NOSTRIN: variants seen among roughly 807,000 people sequenced by gnomAD.
The protein encoded by NOSTRIN is BM247 homolog.
NOSTRIN carries 63 observed loss-of-function variants against 59.0 expected under a neutral mutation model. That is an observed-to-expected ratio of 1.07 (90% CI 0.87 to 1.32). NOSTRIN has a LOEUF of 1.32. NOSTRIN is among the 40% of genes most tolerant of loss of function. The pLI is 0.00. For missense variants in NOSTRIN, 512 were observed against 473.1 expected (o/e 1.08, Z -0.76); for synonymous variants, 200 against 165.4 (o/e 1.21, Z -1.61).
chr2:168,787,870 A>G (rs1685245834), exon 2 of NOSTRIN: 1 of 133,614 alleles, frequency 7.5e-6, no homozygotes, highest in African/African-American at 2.4e-5. Context: ...GATAAACTGA[A>G]GCACAAGAGG....
At chr2:168,845,309 T>C (rs1178008525) in intron 8 of NOSTRIN, among the ~76,000 whole-genome samples, 1 of 152,182 alleles carries the variant, frequency 6.6e-6, no homozygotes, top group Non-Finnish European at 1.5e-5. Flanking sequence ...TCAGCTTCCT[T>C]GGATGGCCCT....
chr2:168,816,095 A>G (rs1444966944), intron 2 of NOSTRIN, among the ~76,000 whole-genome samples: 1 of 152,134 alleles, frequency 6.6e-6, no homozygotes, highest in East Asian at 1.9e-4. Flanking sequence ...TGGAGTTTGT[A>G]TGCTGTACAA....
At chr2:168,863,922 T>A (rs1574349746) in intron 15 of NOSTRIN, among the ~76,000 whole-genome samples, 1 of 152,082 alleles carries the variant, frequency 6.6e-6, no homozygotes, top group South Asian at 2.1e-4. Context: ...TTTTTATTTT[T>A]TTTTTTGAGG....
At chr2:168,842,055 A>G (rs897319776) in intron 7 of NOSTRIN, among the ~76,000 whole-genome samples, 2 of 152,212 alleles carry the variant, frequency 1.3e-5, no homozygotes, top group African/African-American at 4.8e-5. Context: ...ACAGTCAGAC[A>G]AGGTAGGTCA....
chr2:168,861,923 T>TAACA (rs766168624), intron 14 of NOSTRIN, 37 bp from the exon 15 acceptor site: 16 of 1,589,382 alleles, frequency 1.0e-5, no homozygotes, highest in Non-Finnish European at 1.4e-5. Context: ...ATTTGCCTGC[T>TAACA]AACACAGCAT....
chr2:168,837,300 CTTTTTTTTTTTTTTT>C (rs761309524), intron 7 of NOSTRIN, among the ~76,000 whole-genome samples: 1 of 62,160 alleles, frequency 1.6e-5, no homozygotes, highest in African/African-American at 5.9e-5. Flanking sequence ...TTTTTAACAT[CTTTTTTTTTTTTTTT>C]TTTTTTTTTT....
intron 2 of NOSTRIN, among the ~76,000 whole-genome samples, chr2:168,813,052 A>G (rs1052750936): frequency 3.9e-5 from 6 of 152,228 alleles, no homozygotes; most frequent in African/African-American, 1.4e-4. Context: ...CTAACAGCCA[A>G]ATTGCTCTGG....
chr2:168,803,927 C>G (rs1387861121), intron 1 of NOSTRIN, among the ~76,000 whole-genome samples: 1 of 152,212 alleles, frequency 6.6e-6, no homozygotes, highest in Non-Finnish European at 1.5e-5. Flanking sequence ...TGTCTCAACA[C>G]TCCTACCTCA....
upstream of NOSTRIN, chr2:168,802,306 C>T (rs1352683257): frequency 1.4e-5 from 4 of 284,286 alleles, no homozygotes. Context: ...TGTTCCTGCA[C>T]TGTCAGACCA....
Position 168,821,870 on chromosome 2 carries a change from A to G in NOSTRIN, c.114-2764A>G, listed in dbSNP as rs572817090. Among the ~76,000 whole-genome samples, 68 of 152,386 alleles carry G rather than the reference A, an allele frequency of 4.5e-4. 1 individual carries two copies. Among genetic ancestry groups the G allele is most frequent in the African/African-American group, 1.5e-3 (62 of 41,592 alleles). On this transcript the variant is annotated intron_variant, in intron 2 of 15. Transcript: ENST00000317647. ...GGAAATCGGAGAGGCTGCCGGAGTC[A>G]GATCATGCAGAGCTTTGCAGGTCAG...
intron 7 of NOSTRIN, among the ~76,000 whole-genome samples, 189 bp downstream of exon 7, chr2:168,834,514 C>CACACACAT (rs1553527270): frequency 3.5e-5 from 5 of 141,086 alleles, no homozygotes; most frequent in Non-Finnish European, 7.6e-5. Context: ...CGCGCACACA[C>CACACACAT]ACACACACAC....
At chr2:168,864,784 G>C in intron 15 of NOSTRIN, 50 bp from the exon 16 acceptor site, 3 of 1,604,944 alleles carry the variant, frequency 1.9e-6, no homozygotes, top group Non-Finnish European at 2.6e-6. Context: ...ATCGGGCTGA[G>C]GCATGTGTTC....
intron 7 of NOSTRIN, among the ~76,000 whole-genome samples, chr2:168,838,314 A>G (rs1326373909): frequency 6.6e-6 from 1 of 152,186 alleles, no homozygotes; most frequent in African/African-American, 2.4e-5. Context: ...GTCTCAGCTC[A>G]CTGCAACCTC....
At chr2:168,802,886 T>C (rs938249554) in intron 1 of NOSTRIN, among the ~76,000 whole-genome samples, 2 of 152,214 alleles carry the variant, frequency 1.3e-5, no homozygotes, top group Admixed American at 1.3e-4. Context: ...TTGTCATCTT[T>C]CCTTCTCATA....
rs58702721 is a variant in NOSTRIN, at chr2:168,834,541, A to ACACACC, written c.504+217_504+218insACACCC. 8.2e-3 allele frequency among the ~76,000 whole-genome samples: 1,143 copies of ACACACC among 140,228 alleles called. 16 individuals carry two copies. Among genetic ancestry groups the ACACACC allele is most frequent in the African/African-American group, 0.024 (906 of 37,950 alleles). The allele number at this position is 140,228 out of a possible 152,430, so 92.0% of individuals were successfully genotyped here. On this transcript the variant is annotated intron_variant, in intron 7 of 15. Transcript: ENST00000317647. ...CACACACACACACACACACACACAC[A>ACACACC]CCACATACATTTTAAACTTTATTTT...
chr2:168,844,091 C>A (rs192727003), intron 8 of NOSTRIN, among the ~76,000 whole-genome samples: 136 of 152,296 alleles, frequency 8.9e-4, no homozygotes, highest in African/African-American at 2.9e-3. Flanking sequence ...AAGAAATATA[C>A]CACTTACACA....
intron 8 of NOSTRIN, 43 bp from the exon 9 acceptor site, chr2:168,851,041 C>A: frequency 1.8e-6 from 2 of 1,117,962 alleles, no homozygotes; most frequent in Non-Finnish European, 2.8e-6. Flanking sequence ...TTCCATTTTG[C>A]ATAACAACTG....
intron 3 of NOSTRIN, among the ~76,000 whole-genome samples, chr2:168,825,500 A>G (rs1411630290): frequency 6.6e-6 from 1 of 152,040 alleles, no homozygotes; most frequent in African/African-American, 2.4e-5. Flanking sequence ...GTGTGCCTTT[A>G]TTTCTTCCTC....
rs1484816317 is a variant in NOSTRIN, at chr2:168,834,503, GCGCGCACA to G, written c.504+180_504+187del. Among the ~76,000 whole-genome samples, 58 of 119,834 alleles carry G rather than the reference GCGCGCACA, an allele frequency of 4.8e-4. 1 individual carries two copies. The highest frequency in any genetic ancestry group is 2.9e-3 in the Admixed American group (36 of 12,254). The allele number at this position is 119,834 out of a possible 152,430, so 78.6% of individuals were successfully genotyped here. On this transcript the variant is annotated intron_variant, in intron 7 of 15. Transcript: ENST00000317647. ...TCATTACTGGCGTGCGCGCGCGCGC[GCGCGCACA>G]CACACACACACACACACACACACAC...
Sources: gnomAD v4.1 joint callset for allele counts (sites outside exome capture counted in the v4.1 genomes callset) on GRCh38, gnomAD v4.1.1 for gene constraint, MANE v1.5 for transcripts, NCBI Gene and HGNC (gene_info 2026-07-23, HGNC 2026-07-21) for gene names.